Variants in DRP2 observed in about 807,000 individuals in gnomAD.
DRP2 encodes the protein dystrophin related protein 2.
Under a neutral mutation model 78.2 loss-of-function variants are expected in DRP2, and 29 were observed. The observed-to-expected ratio is 0.37, with a 90% confidence interval of 0.28 to 0.51. DRP2 has a LOEUF of 0.51. Ranked by LOEUF, DRP2 falls within the 20% of genes least tolerant of loss-of-function variation. The pLI is 0.94. For missense variants in DRP2, 686 were observed against 770.6 expected (o/e 0.89, Z 1.30); for synonymous variants, 290 against 281.9 (o/e 1.03, Z -0.29).
chrX:101,246,959 C>A, intron 11 of DRP2, 131 bp from the exon 12 acceptor site: 1 of 481,052 alleles, frequency 2.1e-6, no homozygotes, highest in South Asian at 3.8e-5. Flanking sequence ...CTCATTCATC[C>A]CCACTCTTGT....
chrX:101,250,339 A>G, intron 14 of DRP2, 84 bp from the exon 15 acceptor site: 1 of 1,160,846 alleles, frequency 8.6e-7, no homozygotes, highest in Admixed American at 2.2e-5. Flanking sequence ...CTCTTTCCCT[A>G]TTTTCCTTTT....
intron 2 of DRP2, among the ~76,000 whole-genome samples, chrX:101,230,650 G>A (rs1277745834): frequency 9.0e-6 from 1 of 111,237 alleles, no homozygotes; most frequent in African/African-American, 3.3e-5. Flanking sequence ...TGTCATTCAA[G>A]GCATGGCCCA....
chrX:101,222,521 C>T (rs759680640), intron 1 of DRP2, among the ~76,000 whole-genome samples: 3 of 111,810 alleles, frequency 2.7e-5, no homozygotes, highest in Non-Finnish European at 5.6e-5. Context: ...TGCTGCTTCT[C>T]TAGCAGGTCC....
intron 9 of DRP2, 135 bp from the exon 10 acceptor site, chrX:101,244,882 A>C (rs1216099907): frequency 1.8e-6 from 1 of 540,764 alleles, no homozygotes; most frequent in Non-Finnish European, 3.0e-6. Context: ...AGAGGCTGTT[A>C]AGAGCTGGCA....
rs905345746 is a variant in DRP2, at chrX:101,249,002, A to G, written c.1540+403A>G. Reference sequence around the variant, plus strand: ...TTCTTATATACACAGGCAGGGCACAATAATACCCAATATCTGGGAGGCGGA... The same window carrying G: ...TTCTTATATACACAGGCAGGGCACAGTAATACCCAATATCTGGGAGGCGGA... On this transcript the variant is annotated intron_variant, in intron 14 of 23. Coordinates refer to ENST00000395209, the MANE Select transcript of DRP2 (RefSeq NM_001939.3). 3.6e-5 allele frequency among the ~76,000 whole-genome samples: 4 copies of G among 112,176 alleles called. No individual in the cohort carries two copies. The Admixed American group carries it at 3.8e-4, about 11-fold the overall frequency.
At chrX:101,228,211 A>G (rs931760844) in intron 2 of DRP2, among the ~76,000 whole-genome samples, 1 of 112,014 alleles carries the variant, frequency 8.9e-6, no homozygotes, top group Non-Finnish European at 1.9e-5. Flanking sequence ...CTTATAGGCA[A>G]TTATCCTATG....
Position 101,260,989 on chromosome X carries a change from A to T in DRP2, c.*368A>T, listed in dbSNP as rs1057194509. On this transcript the variant is annotated 3_prime_UTR_variant, in exon 24 of 24. Transcript: ENST00000395209. ...TTGGCCCCTCTTCCTTCTCCGTGGA[A>T]TTATGGAAAGAGAGAAGCCTAATTA... is the stretch of plus-strand genomic sequence containing the variant. The T allele has an allele frequency of 7.1e-6, 1 of 141,626 alleles. No homozygotes were observed. Among genetic ancestry groups the T allele is most frequent in the Non-Finnish European group, 1.4e-5 (1 of 72,405 alleles). 11.7% of individuals were successfully genotyped at this position (141,626 alleles called of 1,213,427 possible). A position where few individuals can be genotyped will look rare whatever the true frequency, so the allele number is the denominator to read the frequency against.
intron 2 of DRP2, 135 bp downstream of exon 2, chrX:101,224,841 G>C (rs903860575): frequency 9.8e-5 from 11 of 112,481 alleles, no homozygotes; most frequent in Non-Finnish European, 2.1e-4. Context: ...CTATGTCCCA[G>C]ACAATAATGC....
chrX:101,238,784 A>G (rs1327120304), intron 5 of DRP2, among the ~76,000 whole-genome samples, 197 bp from the exon 6 acceptor site: 1 of 111,569 alleles, frequency 9.0e-6, no homozygotes, highest in Non-Finnish European at 1.9e-5. Context: ...CATACTAAAC[A>G]GACCTTCCAG....
At chrX:101,221,546 T>C (rs188518027) in intron 1 of DRP2, among the ~76,000 whole-genome samples, 1 of 112,526 alleles carries the variant, frequency 8.9e-6, no homozygotes, top group Admixed American at 9.4e-5. Context: ...AAACCATTGC[T>C]GGGGGATGAA....
At chrX:101,248,756 G>T (rs774562223) in intron 14 of DRP2, among the ~76,000 whole-genome samples, 157 bp downstream of exon 14, 2 of 112,359 alleles carry the variant, frequency 1.8e-5, no homozygotes, top group African/African-American at 6.5e-5. Flanking sequence ...CTGTTGCAAA[G>T]AACACATGAC....
chrX:101,247,060 T>A (rs1395097769), intron 11 of DRP2, 30 bp from the exon 12 acceptor site: 1 of 1,193,190 alleles, frequency 8.4e-7, no homozygotes, highest in South Asian at 1.8e-5. Flanking sequence ...ATTTTTCTGA[T>A]CTGAGTGGGT....
At chrX:101,236,196 G>A (rs1350272206) in intron 4 of DRP2, among the ~76,000 whole-genome samples, 173 bp downstream of exon 4, 4 of 111,451 alleles carry the variant, frequency 3.6e-5, no homozygotes, top group African/African-American at 1.3e-4. Flanking sequence ...CAGGAGACTT[G>A]GATCTGAGCC....
At chrX:101,258,252 C>G in intron 21 of DRP2, 57 bp from the exon 22 acceptor site, 1 of 1,060,188 alleles carries the variant, frequency 9.4e-7, no homozygotes, top group Non-Finnish European at 1.3e-6. Flanking sequence ...ACATCTGAAA[C>G]CTGGACAGTC....
At chrX:101,252,790 ATTGGCTC>A in intron 17 of DRP2, 74 bp downstream of exon 17, 1 of 810,892 alleles carries the variant, frequency 1.2e-6, no homozygotes, top group Admixed American at 2.7e-5. Context: ...TTTGCCCAGC[ATTGGCTC>A]ATTGTTTTCT....
chrX:101,245,359 G>A, intron 10 of DRP2, 29 bp from the exon 11 acceptor site: 1 of 1,182,602 alleles, frequency 8.5e-7, no homozygotes, highest in African/African-American at 1.7e-5. Context: ...TGGTATAGAT[G>A]CTGGTACTAT....
At chrX:101,248,485 T>C in intron 13 of DRP2, 29 bp from the exon 14 acceptor site, 1 of 1,198,304 alleles carries the variant, frequency 8.3e-7, no homozygotes, top group Non-Finnish European at 1.1e-6. Context: ...CATACATTCA[T>C]ATTCTCAGTC....
chrX:101,224,300 C>T (rs1922032922), intron 1 of DRP2, among the ~76,000 whole-genome samples: 1 of 84,963 alleles, frequency 1.2e-5, no homozygotes, highest in Admixed American at 1.6e-4. Context: ...AAGATAATCA[C>T]TTGAACCCAG....
rs1412601463 is a variant in DRP2, at chrX:101,254,655, T to C, written c.2114+94T>C. ...CTGAGTCCCGAGTGGGCTAGGAGAA[T>C]GTTCCAAGGTAAATCCCACTAGTGA... On this transcript the variant is annotated intron_variant, in intron 18 of 23. Coordinates refer to ENST00000395209, the MANE Select transcript of DRP2 (RefSeq NM_001939.3). 3.5e-6 allele frequency: 4 copies of C among 1,151,332 alleles called. No homozygotes were observed. The African/African-American group carries it at 7.1e-5, about 21-fold the overall frequency. 94.9% of individuals were successfully genotyped at this position (1,151,332 alleles called of 1,213,427 possible).
Sources: gnomAD v4.1 joint callset for allele counts (sites outside exome capture counted in the v4.1 genomes callset) on GRCh38, gnomAD v4.1.1 for gene constraint, MANE v1.5 for transcripts, NCBI Gene and HGNC (gene_info 2026-07-23, HGNC 2026-07-21) for gene names.